TSPOAP1: variants seen among roughly 807,000 people sequenced by gnomAD.
The protein encoded by TSPOAP1 is TSPO associated protein 1, also known as peripheral-type benzodiazepine receptor-associated protein 1.
In TSPOAP1, 87 loss-of-function variants were observed where a neutral mutation model predicts 197.0. That is an observed-to-expected ratio of 0.44 (90% CI 0.37 to 0.53). TSPOAP1 has a LOEUF of 0.53. TSPOAP1 is among the 20% of genes least tolerant of loss of function. The pLI, the probability that TSPOAP1 is intolerant of heterozygous loss-of-function variation, is 0.00. For synonymous variants in TSPOAP1, 913 were observed against 998.9 expected (o/e 0.91, Z 1.62); for missense variants, 2,174 against 2,411.3 (o/e 0.90, Z 2.06).
rs139473278 is a variant in TSPOAP1, at chr17:58,305,858, C to A, written c.5232G>T (p.Ser1744=). 8.1e-6 allele frequency: 13 copies of A among 1,612,540 alleles called. No individual in the cohort carries two copies. Among genetic ancestry groups the A allele is most frequent in the South Asian group, 6.6e-5 (6 of 91,070 alleles). The change falls in exon 27 of 32, where the codon TCG becomes TCT. Residue 1744 remains serine, a synonymous_variant. Transcript: ENST00000343736. ...PKPRRSKKAE[S]EGPAQPCPGP... is the part of the protein sequence containing the mutation. ...CTGGACAGGGCTGGGCAGGGCCTTC[C>A]GACTCAGCTGTGGAAAGAATGTGCC...
At position 58,311,969 on chromosome 17, in the gene TSPOAP1, G is replaced by A. The variant is rs932515125; in HGVS notation, c.2852C>T (p.Pro951Leu). Reference protein sequence around the residue: ...YQAQVEAQLPPQGPWEPGWER... With the variant: ...YQAQVEAQLPLQGPWEPGWER... ...CCAGCCTGGTTCCCAGGGCCCTTGG[G>A]GTGGGAGCTGAGCCTCCACTTGGGC... Residue 951 changes from proline (P) to leucine (L), a missense_variant, in exon 17 of 32, where the codon CCC (proline) becomes CTC (leucine). This residue lies in a region of TSPOAP1 where 1,933 missense variants were observed against 2,139.0 expected (regional missense o/e 0.90). Coordinates refer to ENST00000343736, the MANE Select transcript of TSPOAP1 (RefSeq NM_004758.4). The A allele has an allele frequency of 1.2e-6, 2 of 1,607,764 alleles. No individual in the cohort carries two copies. Among genetic ancestry groups the A allele is most frequent in the Non-Finnish European group, 1.7e-6 (2 of 1,176,576 alleles).
chr17:58,320,774 A>C (rs1248929992), intron 10 of TSPOAP1, among the ~76,000 whole-genome samples, 193 bp from the exon 11 acceptor site: 1 of 152,078 alleles, frequency 6.6e-6, no homozygotes, highest in Non-Finnish European at 1.5e-5. Flanking sequence ...CTGAACACCC[A>C]CCCTGAACCA....
In TSPOAP1 at chr17:58,320,396, C is replaced by T. The variant is rs530336792; in HGVS notation, c.1473+135G>A. The T allele has an allele frequency of 4.1e-5, 46 of 1,128,884 alleles. No homozygotes were observed. In the East Asian group the frequency reaches 8.1e-4, roughly 20 times the overall value. 69.9% of individuals were successfully genotyped at this position (1,128,884 alleles called of 1,614,324 possible). A position where few individuals can be genotyped will look rare whatever the true frequency, so the allele number is the denominator to read the frequency against. ...ATAGGCCAGTGGTGGAGGGGACTCC[C>T]CCAGGTCCTGGAGCATTTAAGGGCC... On this transcript the variant is annotated intron_variant, in intron 11 of 31. Coordinates refer to ENST00000343736, the MANE Select transcript of TSPOAP1 (RefSeq NM_004758.4).
In TSPOAP1 at chr17:58,306,933, C is replaced by G. The variant is rs1183274034; in HGVS notation, c.5019G>C (p.Gln1673His). The G allele has an allele frequency of 6.2e-7, 1 of 1,613,206 alleles. No individual in the cohort carries two copies. The highest frequency in any genetic ancestry group is 1.1e-5 in the South Asian group (1 of 91,090). Reference sequence around the variant, plus strand: ...AGCCTGTCCGGCCCCCACCTTCGCCCTGGTAGAAGCCATCGGCATCCTTGT... The same window carrying G: ...AGCCTGTCCGGCCCCCACCTTCGCCGTGGTAGAAGCCATCGGCATCCTTGT... Reference protein sequence around the residue: ...FGDKDADGFYQGEGGGRTGYI... With the variant: ...FGDKDADGFYHGEGGGRTGYI... The change falls in exon 25 of 32, where the codon CAG becomes CAC. Residue 1673 changes from glutamine to histidine, a missense_variant. Around this residue, in one of 5 missense-constraint regions of TSPOAP1, gnomAD observed 16 missense variants for 38.8 expected, o/e 0.41. Coordinates refer to ENST00000343736, the MANE Select transcript of TSPOAP1 (RefSeq NM_004758.4).
intron 3 of TSPOAP1, among the ~76,000 whole-genome samples, chr17:58,325,926 G>A (rs1012503182): frequency 1.3e-5 from 2 of 152,160 alleles, no homozygotes; most frequent in African/African-American, 4.8e-5. Context: ...TAGGATCAAA[G>A]GATGCTGCTA....
At position 58,316,152 on chromosome 17, in the gene TSPOAP1, G is replaced by A. The variant is rs1467475181; in HGVS notation, c.1989-20C>T. 2.1e-6 allele frequency: 3 copies of A among 1,406,896 alleles called. No homozygotes were observed. Among genetic ancestry groups the A allele is most frequent in the South Asian group, 1.2e-5 (1 of 83,912 alleles). 87.2% of individuals were successfully genotyped at this position (1,406,896 alleles called of 1,614,324 possible). On this transcript the variant is annotated intron_variant, in intron 15 of 31. Coordinates refer to ENST00000343736, the MANE Select transcript of TSPOAP1 (RefSeq NM_004758.4). ...TTGTAGCTGTTAGGGGAGGCACAGA[G>A]GAGGAGGAGGAGAGTGACCTACACT...
chr17:58,323,090 CT>C, intron 7 of TSPOAP1, 51 bp from the exon 8 acceptor site: 1 of 1,567,586 alleles, frequency 6.4e-7, no homozygotes, highest in Non-Finnish European at 8.7e-7. Flanking sequence ...CACATTCCCC[CT>C]CTCCCCACAC....
intron 25 of TSPOAP1, 95 bp from the exon 26 acceptor site, chr17:58,306,508 T>C: frequency 8.2e-7 from 1 of 1,223,630 alleles, no homozygotes; most frequent in South Asian, 1.5e-5. Flanking sequence ...GCTAGGTTAC[T>C]GAGCTTGTTT....
chr17:58,308,978 G>A lies in TSPOAP1; in HGVS notation c.4294C>T (p.Leu1432Phe). The change falls in exon 22 of 32, where the codon CTC becomes TTC. Residue 1432 changes from leucine to phenylalanine, a missense_variant. By Grantham distance (22) the Leu-to-Phe change is conservative (BLOSUM62 0). Around this residue, in one of 5 missense-constraint regions of TSPOAP1, gnomAD observed 1,933 missense variants for 2,139.0 expected, o/e 0.90. Coordinates refer to ENST00000343736, the MANE Select transcript of TSPOAP1 (RefSeq NM_004758.4). ...GAGGCCTGGGGCCCATTGTTGCTGA[G>A]AAGTCGGCTGCAGTGTTCTCGGGGA... ...PDPREHCSRL[L>F]SNNGPQASGR... 1 of 1,610,690 alleles carries A rather than the reference G, an allele frequency of 6.2e-7. No individual in the cohort carries two copies. The highest frequency in any genetic ancestry group is 8.5e-7 in the Non-Finnish European group (1 of 1,179,130).
rs1446598988 is a variant in TSPOAP1, at chr17:58,323,457, C to T, written c.1020+11G>A. The stretch of plus-strand genomic sequence containing the variant: ...CAGCAGGCTGCCTCCAGCCCTTGAC[C>T]TAGGACTTACCAGCTGCTGCACCCT... On this transcript the variant is annotated intron_variant, in intron 6 of 31. Transcript: ENST00000343736. 6.2e-7 allele frequency: 1 copy of T among 1,614,232 alleles called. No homozygotes were observed. The highest frequency in any genetic ancestry group is 1.1e-5 in the South Asian group (1 of 91,092).
In TSPOAP1 at chr17:58,322,326, C is replaced by G; in HGVS notation, c.1404G>C (p.Glu468Asp). 1 of 1,604,008 alleles carries G rather than the reference C, an allele frequency of 6.2e-7. No homozygotes were observed. The highest frequency in any genetic ancestry group is 8.5e-7 in the Non-Finnish European group (1 of 1,179,962). ...GCCCCACCTGCTGCAGTCTCCGGAC[C>G]TCCTCCTGCTTCTCCCGTAGGCTGA... The part of the protein sequence containing the change: ...ARLSLREKQE[E>D]VRRLQQAQAE... Residue 468 changes from glutamate to aspartate, a missense_variant, in exon 10 of 32, where the codon GAG (glutamate) becomes GAC (aspartate). By Grantham distance (45) the Glu-to-Asp change is conservative. Around this residue, in one of 5 missense-constraint regions of TSPOAP1, gnomAD observed 1,933 missense variants for 2,139.0 expected, o/e 0.90. Transcript: ENST00000343736. The surrounding 1 kb of genome is among the most constrained non-coding windows in gnomAD (Gnocchi z 5.0).
At position 58,324,928 on chromosome 17, in the gene TSPOAP1, C is replaced by T. The variant is rs1486623130; in HGVS notation, c.825G>A (p.Leu275=). 6.5e-7 allele frequency: 1 copy of T among 1,538,926 alleles called. No homozygotes were observed. Among genetic ancestry groups the T allele is most frequent in the South Asian group, 1.2e-5 (1 of 83,860 alleles). Reference sequence around the variant, plus strand: ...GGTTGCGCAGCGCGATCTGCCTCTGCAGCCGCAGCACCTCCCGCTGGGACT... The same window carrying T: ...GGTTGCGCAGCGCGATCTGCCTCTGTAGCCGCAGCACCTCCCGCTGGGACT... ...LRESQREVLR[L]QRQIALRNQR... is the part of the protein sequence containing the mutation. Residue 275 remains leucine (L), a synonymous_variant, in exon 5 of 32, where the codon CTG becomes CTA. Coordinates refer to ENST00000343736, the MANE Select transcript of TSPOAP1 (RefSeq NM_004758.4). The surrounding 1 kb of genome is among the most constrained non-coding windows in gnomAD (Gnocchi z 5.8).
In TSPOAP1 at chr17:58,308,552, G is replaced by T; in HGVS notation, c.4720C>A (p.Pro1574Thr). Residue 1574 changes from proline to threonine, a missense_variant, in exon 22 of 32, where the codon CCA (proline) becomes ACA (threonine). Pro to Thr is a conservative substitution (Grantham distance 38). Transcript: ENST00000343736. The part of the protein sequence containing the change: ...GRSATGRAKE[P>T]LSRATETGEA... Reference sequence around the variant, plus strand: ...GAGTGAGCACGGACCCGGGAGAGTGGCTCCTTGGCTCTGCCCGTCGCACTG... The same window carrying T: ...GAGTGAGCACGGACCCGGGAGAGTGTCTCCTTGGCTCTGCCCGTCGCACTG... 8 of 1,530,084 alleles carry T rather than the reference G, an allele frequency of 5.2e-6. No individual in the cohort carries two copies. Among genetic ancestry groups the T allele is most frequent in the Non-Finnish European group, 5.3e-6 (6 of 1,137,438 alleles). The allele number at this position is 1,530,084 out of a possible 1,614,324, so 94.8% of individuals were successfully genotyped here.
chr17:58,304,994 C>G lies in TSPOAP1; in HGVS notation c.5544+67G>C. 2 of 1,248,478 alleles carry G rather than the reference C, an allele frequency of 1.6e-6. No individual in the cohort carries two copies. The highest frequency in any genetic ancestry group is 2.4e-6 in the Non-Finnish European group (2 of 846,548). 77.3% of individuals were successfully genotyped at this position (1,248,478 alleles called of 1,614,324 possible). ...GCTGCACCCCTGCCGCAACACTGCC[C>G]TGGCCCTACCACCCCACCAGTAGGG... On this transcript the variant is annotated intron_variant, in intron 30 of 31. Transcript: ENST00000343736. This position sits in a 1 kb window ranked among gnomAD's most constrained non-coding sequence, Gnocchi z 4.2.
At position 58,309,481 on chromosome 17, in the gene TSPOAP1, G is replaced by A; in HGVS notation, c.3892-101C>T. ...ATCTTTGCCCTCAAACGAAGGCAGG[G>A]GTTACGGACAACCCCACAGCCCTCC... On this transcript the variant is annotated intron_variant, in intron 21 of 31. Transcript: ENST00000343736. This position sits in a 1 kb window ranked among gnomAD's most constrained non-coding sequence, Gnocchi z 5.0. 1.4e-6 allele frequency: 2 copies of A among 1,457,410 alleles called. No individual in the cohort carries two copies. Among genetic ancestry groups the A allele is most frequent in the Non-Finnish European group, 1.8e-6 (2 of 1,097,464 alleles). The allele number at this position is 1,457,410 out of a possible 1,614,324, so 90.3% of individuals were successfully genotyped here. A position where few individuals can be genotyped will look rare whatever the true frequency, so the allele number is the denominator to read the frequency against.
chr17:58,322,735 C>A lies in TSPOAP1; in HGVS notation c.1236G>T (p.Gly412=), dbSNP rs773452061. Residue 412 remains glycine (G), a synonymous_variant, in exon 9 of 32, where the codon GGG becomes GGT. Transcript: ENST00000343736. The surrounding 1 kb of genome is among the most constrained non-coding windows in gnomAD (Gnocchi z 5.0). ...ENAELRGQLL[G]VTQERDSALR... ...GGGCTGAGTCCCTCTCCTGTGTCAC[C>A]CCCAGGAGCTGGCCCCTCAGCTCCG... 3 of 1,612,948 alleles carry A rather than the reference C, an allele frequency of 1.9e-6. No homozygotes were observed. Among genetic ancestry groups the A allele is most frequent in the Non-Finnish European group, 2.5e-6 (3 of 1,179,996 alleles).
chr17:58,308,745 C>A lies in TSPOAP1; in HGVS notation c.4527G>T (p.Ala1509=). 1 of 1,613,048 alleles carries A rather than the reference C, an allele frequency of 6.2e-7. No individual in the cohort carries two copies. The highest frequency in any genetic ancestry group is 8.5e-7 in the Non-Finnish European group (1 of 1,179,990). ...IEYDSEDEQE[A]GSGGISITSS... ...TGGTGATGCTGATGCCCCCGCTGCC[C>A]GCCTCCTGCTCATCCTCCGAATCAT... The change falls in exon 22 of 32, where the codon GCG becomes GCT. Residue 1509 remains alanine, a synonymous_variant. Coordinates refer to ENST00000343736, the MANE Select transcript of TSPOAP1 (RefSeq NM_004758.4).
chr17:58,321,103 C>G (rs910178642), intron 10 of TSPOAP1, among the ~76,000 whole-genome samples: 15 of 152,140 alleles, frequency 9.9e-5, no homozygotes, highest in Non-Finnish European at 4.4e-5. Context: ...GGACAGCTCC[C>G]CTTGAATGTT....
intron 14 of TSPOAP1, 61 bp from the exon 15 acceptor site, chr17:58,316,601 C>G: frequency 7.2e-7 from 1 of 1,385,722 alleles, no homozygotes; most frequent in South Asian, 1.3e-5. Flanking sequence ...GCCAAGCAGG[C>G]AGGTTTCCAG....
Sources: allele counts gnomAD v4.1 joint callset (sites outside exome capture counted in the v4.1 genomes callset), GRCh38; gene constraint gnomAD v4.1.1; regional missense constraint gnomAD v4.1.1; non-coding constraint Gnocchi (gnomAD v3.1); transcripts MANE v1.5; gene names NCBI Gene and HGNC (gene_info 2026-07-23, HGNC 2026-07-21).